IPCEF1: variants seen among roughly 807,000 people sequenced by gnomAD.
IPCEF1 encodes the protein interaction protein for cytohesin exchange factors 1, also known as interactor protein for cytohesin exchange factors 1.
A neutral mutation model predicts 50.9 loss-of-function variants in IPCEF1; 31 were observed. The observed-to-expected ratio is 0.61, with a 90% CI of 0.46 to 0.82. The LOEUF is 0.82. Ranked by LOEUF, IPCEF1 falls within the 40% of genes least tolerant of loss-of-function variation. The pLI is 0.00. For synonymous variants in IPCEF1, 181 were observed against 192.0 expected, an observed-to-expected ratio of 0.94 and a Z score of 0.47; for missense variants, 458 against 514.0, an observed-to-expected ratio of 0.89 and a Z score of 1.05.
intron 2 of IPCEF1, among the ~76,000 whole-genome samples, chr6:154,271,809 C>A (rs1194787920): frequency 3.3e-5 from 5 of 152,108 alleles, no homozygotes; most frequent in Non-Finnish European, 7.4e-5. Flanking sequence ...CATAGCAAAA[C>A]CCTCATTTTT....
intron 5 of IPCEF1, among the ~76,000 whole-genome samples, chr6:154,232,267 A>C (rs1779782514): frequency 6.6e-6 from 1 of 152,264 alleles, no homozygotes; most frequent in African/African-American, 2.4e-5. Flanking sequence ...CAAAAGAAAG[A>C]AAAAATGTCT....
intron 1 of IPCEF1, among the ~76,000 whole-genome samples, chr6:154,325,842 G>A (rs1331363222): frequency 6.6e-6 from 1 of 152,090 alleles, no homozygotes; most frequent in South Asian, 2.1e-4. Context: ...CACAATAATT[G>A]CCATCATAAT....
intron 2 of IPCEF1, among the ~76,000 whole-genome samples, chr6:154,266,560 C>CTCTA (rs1554300201): frequency 4.5e-5 from 6 of 134,824 alleles, no homozygotes; most frequent in East Asian, 2.2e-4. Flanking sequence ...CTTAATATTA[C>CTCTA]TATATATATA....
intron 11 of IPCEF1, among the ~76,000 whole-genome samples, chr6:154,166,511 C>T (rs1323901830): frequency 6.6e-6 from 1 of 152,230 alleles, no homozygotes; most frequent in African/African-American, 2.4e-5. Context: ...TTCATTTCTT[C>T]CTGACTCACG....
rs568155219 is a variant in IPCEF1, at chr6:154,298,905, T to C, written c.-61-9149A>G. On this transcript the variant is annotated intron_variant, in intron 1 of 11. Coordinates refer to ENST00000367220, the MANE Select transcript of IPCEF1 (RefSeq NM_001130700.2). ...TGAACCCAGGAGGCGGAGGTTGCAG[T>C]AAGCTGAGATAGCCCCATTGCACTC... 6.4e-5 allele frequency among the ~76,000 whole-genome samples: 9 copies of C among 140,320 alleles called. 1 individual carries two copies. The South Asian group carries it at 1.8e-3, about 28-fold the overall frequency. 92.1% of individuals were successfully genotyped at this position (140,320 alleles called of 152,430 possible).
rs536985222 is a variant in IPCEF1, at chr6:154,289,391, C to T, written c.-18+322G>A. Among the ~76,000 whole-genome samples, 731 of 104,154 alleles carry T rather than the reference C, an allele frequency of 7.0e-3. 9 individuals carry two copies. The highest frequency in any genetic ancestry group is 0.031 in the African/African-American group (712 of 23,112). 68.3% of individuals were successfully genotyped at this position (104,154 alleles called of 152,430 possible). On this transcript the variant is annotated intron_variant, in intron 2 of 11. Coordinates refer to ENST00000367220, the MANE Select transcript of IPCEF1 (RefSeq NM_001130700.2). Reference sequence around the variant, plus strand: ...CATGCAATTGCTTGTAAAATAGACTCTTCACATAATTATAGTTATAAAGTA... The same window carrying T: ...CATGCAATTGCTTGTAAAATAGACTTTTCACATAATTATAGTTATAAAGTA...
At chr6:154,175,985 G>A (rs963719313) in intron 10 of IPCEF1, among the ~76,000 whole-genome samples, 5 of 152,054 alleles carry the variant, frequency 3.3e-5, no homozygotes, top group South Asian at 2.1e-4. Context: ...CAATCAAGTC[G>A]GCTTCATCCC....
chr6:154,290,034 T>G (rs781264973), intron 1 of IPCEF1, among the ~76,000 whole-genome samples: 4 of 152,144 alleles, frequency 2.6e-5, no homozygotes, highest in African/African-American at 7.2e-5. Context: ...AAACTGGCTC[T>G]CTAAAATAAT....
chr6:154,273,492 G>A (rs1412727838), intron 2 of IPCEF1, among the ~76,000 whole-genome samples: 2 of 152,050 alleles, frequency 1.3e-5, no homozygotes, highest in South Asian at 2.1e-4. Flanking sequence ...TAAAAGCAAA[G>A]GACATGAGAT....
chr6:154,331,989 C>G (rs1783683113), intron 1 of IPCEF1, among the ~76,000 whole-genome samples: 1 of 152,154 alleles, frequency 6.6e-6, no homozygotes, highest in Non-Finnish European at 1.5e-5. Flanking sequence ...TGCTCTGAAA[C>G]TTTTTAATAA....
At chr6:154,197,712 T>C (rs1776726408) in intron 10 of IPCEF1, among the ~76,000 whole-genome samples, 1 of 152,180 alleles carries the variant, frequency 6.6e-6, no homozygotes, top group South Asian at 2.1e-4. Context: ...TCTTCCCATG[T>C]CTCTGGCTAT....
chr6:154,288,791 C>A (rs1352226475), intron 2 of IPCEF1, among the ~76,000 whole-genome samples: 1 of 146,210 alleles, frequency 6.8e-6, no homozygotes, highest in Non-Finnish European at 1.5e-5. Flanking sequence ...AGGCTTAGTA[C>A]AATGGCTCAC....
chr6:154,238,324 C>T (rs1330583274), intron 5 of IPCEF1, among the ~76,000 whole-genome samples: 1 of 152,082 alleles, frequency 6.6e-6, no homozygotes, highest in African/African-American at 2.4e-5. Flanking sequence ...GGCGCTGTCT[C>T]GGCTCACTGC....
At chr6:154,260,329 A>G (rs1781564742) in intron 3 of IPCEF1, among the ~76,000 whole-genome samples, 1 of 152,206 alleles carries the variant, frequency 6.6e-6, no homozygotes, top group Admixed American at 6.5e-5. Flanking sequence ...CAGGGAAAAC[A>G]TTTTAGGAGC....
intron 5 of IPCEF1, among the ~76,000 whole-genome samples, chr6:154,244,673 CAT>C (rs1780889408): frequency 2.6e-5 from 4 of 152,164 alleles, no homozygotes; most frequent in African/African-American, 9.7e-5. Flanking sequence ...CTAAGAGAAT[CAT>C]AAGCTGAATG....
rs1218013992 is a variant in IPCEF1, at chr6:154,212,941, C to T, written c.452-86G>A. ...TGAGCAGAGGTTTATCTCCATCTGG[C>T]TATTGCAATTTCAATCCAATTCAGA... On this transcript the variant is annotated intron_variant, in intron 8 of 11. Transcript: ENST00000367220. 3.3e-6 allele frequency: 3 copies of T among 905,464 alleles called. No individual in the cohort carries two copies. In the African/African-American group the frequency reaches 4.9e-5, roughly 15 times the overall value. The allele number at this position is 905,464 out of a possible 1,614,324, so 56.1% of individuals were successfully genotyped here. A position where few individuals can be genotyped will look rare whatever the true frequency, so the allele number is the denominator to read the frequency against.
At chr6:154,320,152 G>A (rs1028109436) in intron 1 of IPCEF1, among the ~76,000 whole-genome samples, 1 of 152,000 alleles carries the variant, frequency 6.6e-6, no homozygotes, top group African/African-American at 2.4e-5. Context: ...TAAAAAAAGT[G>A]AAAAAGAATG....
At chr6:154,347,364 C>G (rs1784050467) in intron 1 of IPCEF1, among the ~76,000 whole-genome samples, 1 of 151,782 alleles carries the variant, frequency 6.6e-6, no homozygotes, top group African/African-American at 2.4e-5. Context: ...TGACCTTGAG[C>G]CAGGTTTGAA....
chr6:154,160,933 A>T (rs1798958557), intron 11 of IPCEF1, among the ~76,000 whole-genome samples: 1 of 152,144 alleles, frequency 6.6e-6, no homozygotes, highest in Admixed American at 6.5e-5. Context: ...CAGAGCAGGG[A>T]TGCATGTAAA....
Sources: allele counts gnomAD v4.1 joint callset (sites outside exome capture counted in the v4.1 genomes callset), GRCh38; gene constraint gnomAD v4.1.1; transcripts MANE v1.5; gene names NCBI Gene and HGNC (gene_info 2026-07-23, HGNC 2026-07-21).